EPS8L2: variants seen among roughly 807,000 people sequenced by gnomAD.
EPS8L2 encodes EPS8 signaling adaptor L2.
In EPS8L2, 81 loss-of-function variants were observed where a neutral mutation model predicts 99.4. The observed-to-expected ratio is 0.82, with a 90% CI of 0.68 to 0.98. The LOEUF (loss-of-function observed/expected upper bound fraction) is 0.98, where lower values mean the gene tolerates loss of function less well. EPS8L2 is among the 50% of genes least tolerant of loss of function. The pLI is 0.00. For missense variants in EPS8L2, 1,155 were observed against 968.8 expected (o/e 1.19, Z -2.55); for synonymous variants, 509 against 407.3 (o/e 1.25, Z -3.01).
intron 1 of EPS8L2, among the ~76,000 whole-genome samples, chr11:708,156 ACT>A (rs1564967888): frequency 6.6e-6 from 1 of 151,940 alleles, no homozygotes; most frequent in Non-Finnish European, 1.5e-5. Context: ...GCAGACCCAA[ACT>A]CTGAAGCCAC....
At position 713,782 on chromosome 11, in the gene EPS8L2, T is replaced by C. The variant is rs777376964; in HGVS notation, c.165+3296T>C. ...GCTGGTCTTGAACTCCTGACCTCAA[T>C]TGATCCACCCACCTCAGCCTCCCAA... On this transcript the variant is annotated intron_variant, in intron 4 of 20. Transcript: ENST00000318562. Among the ~76,000 whole-genome samples, 6 of 151,682 alleles carry C rather than the reference T, an allele frequency of 4.0e-5. No homozygotes were observed. In the East Asian group the frequency reaches 5.8e-4, roughly 15 times the overall value.
chr11:720,943 CGGGGAGGGGAGGA>C, intron 7 of EPS8L2, 34 bp downstream of exon 7: 1 of 502,470 alleles, frequency 2.0e-6, no homozygotes. Context: ...TCGCAGGGGG[CGGGGAGGGGAGGA>C]GCCCGGCAGG....
At chr11:709,894 A>T in intron 3 of EPS8L2, 1 of 523,020 alleles carries the variant, frequency 1.9e-6, no homozygotes, top group Admixed American at 3.3e-5. Flanking sequence ...AGGTTCAGGC[A>T]GGATAAGCCG....
At position 716,075 on chromosome 11, in the gene EPS8L2, C is replaced by T. The variant is rs184435188; in HGVS notation, c.166-3987C>T. Among the ~76,000 whole-genome samples the T allele has an allele frequency of 1.1e-3, 160 of 149,454 alleles. 4 individuals are homozygous for T. In the East Asian group the frequency reaches 0.029, roughly 27 times the overall value. On this transcript the variant is annotated intron_variant, in intron 4 of 20. Coordinates refer to ENST00000318562, the MANE Select transcript of EPS8L2 (RefSeq NM_022772.4). The stretch of plus-strand genomic sequence containing the variant: ...GCAACCTCCGCCTCCTGGGTTCAAG[C>T]GATTCTCCTGCCTCAGCCTCCCAAG...
intron 4 of EPS8L2, among the ~76,000 whole-genome samples, chr11:715,672 G>A (rs1274763069): frequency 1.4e-5 from 2 of 144,598 alleles, no homozygotes; most frequent in East Asian, 2.0e-4. Flanking sequence ...CCAGGCTGGA[G>A]TGCAGTGGCA....
chr11:723,401 A>T (rs753394971), intron 15 of EPS8L2, 48 bp downstream of exon 15: 1 of 837,526 alleles, frequency 1.2e-6, no homozygotes, highest in Admixed American at 2.8e-5. Flanking sequence ...ACCCTTCAGA[A>T]CCTACAGTCT....
At chr11:715,484 C>T (rs1413376436) in intron 4 of EPS8L2, among the ~76,000 whole-genome samples, 1 of 152,066 alleles carries the variant, frequency 6.6e-6, no homozygotes, top group Non-Finnish European at 1.5e-5. Flanking sequence ...AGTTTATTAA[C>T]CTTCTCATAA....
chr11:715,352 C>T (rs887584044), intron 4 of EPS8L2, among the ~76,000 whole-genome samples: 4 of 152,052 alleles, frequency 2.6e-5, no homozygotes, highest in Non-Finnish European at 4.4e-5. Flanking sequence ...GGGAAGGTTT[C>T]GGTTATTAAT....
chr11:714,873 A>G (rs1052121774), intron 4 of EPS8L2, among the ~76,000 whole-genome samples: 24 of 152,016 alleles, frequency 1.6e-4, no homozygotes, highest in Non-Finnish European at 2.8e-4. Context: ...TATAATGCCT[A>G]TGGCAGGTTG....
At chr11:709,788 C>T (rs562418756) in intron 3 of EPS8L2, 180 bp downstream of exon 3, 22 of 647,898 alleles carry the variant, frequency 3.4e-5, no homozygotes, top group Middle Eastern at 3.9e-4. Context: ...ACTGGATCCC[C>T]TCCCCCACAC....
chr11:725,632 C>T, intron 16 of EPS8L2, 96 bp from the exon 17 acceptor site: 1 of 1,200,190 alleles, frequency 8.3e-7, no homozygotes, highest in Non-Finnish European at 1.1e-6. Flanking sequence ...TCCGGGAGAC[C>T]CTAGGGCGCT....
chr11:714,323 G>A (rs936830414), intron 4 of EPS8L2, among the ~76,000 whole-genome samples: 1 of 151,046 alleles, frequency 6.6e-6, no homozygotes, highest in African/African-American at 2.4e-5. Flanking sequence ...TCCACCTCTT[G>A]GGTTCAAGCA....
Position 724,666 on chromosome 11 carries a change from C to A in EPS8L2, c.1455-58C>A. 1 of 1,251,374 alleles carries A rather than the reference C, an allele frequency of 8.0e-7. No individual in the cohort carries two copies. Among genetic ancestry groups the A allele is most frequent in the South Asian group, 1.2e-5 (1 of 83,530 alleles). 77.5% of individuals were successfully genotyped at this position (1,251,374 alleles called of 1,614,324 possible). A position where few individuals can be genotyped will look rare whatever the true frequency, so the allele number is the denominator to read the frequency against. ...GAAGCTGCTGCCCCCCAGCCACTGC[C>A]CAGGTCTCAGAGGAGACCCCCACCA... On this transcript the variant is annotated intron_variant, in intron 15 of 20. Coordinates refer to ENST00000318562, the MANE Select transcript of EPS8L2 (RefSeq NM_022772.4). This position sits in a 1 kb window ranked among gnomAD's most constrained non-coding sequence, Gnocchi z 5.5.
intron 9 of EPS8L2, 85 bp from the exon 10 acceptor site, chr11:721,480 T>C: frequency 6.7e-7 from 1 of 1,503,004 alleles, no homozygotes; most frequent in South Asian, 1.3e-5. Flanking sequence ...GCCCAGCTCC[T>C]CCCATCATCT....
At chr11:710,208 G>C in intron 3 of EPS8L2, 9 of 562,220 alleles carry the variant, frequency 1.6e-5, no homozygotes, top group South Asian at 1.4e-4. Flanking sequence ...CGCCTTCTCC[G>C]AGCTGCGTCC....
intron 14 of EPS8L2, 56 bp from the exon 15 acceptor site, chr11:723,185 G>A (rs1295966610): frequency 1.3e-5 from 12 of 890,160 alleles, no homozygotes; most frequent in East Asian, 2.5e-5. Context: ...ATGCCCCCTC[G>A]TCCTGGGACC....
At position 721,067 on chromosome 11, in the gene EPS8L2, A is replaced by G. The variant is rs1039884508; in HGVS notation, c.561A>G (p.Gly187=). The part of the protein sequence containing the change: ...GKKMRPQTLK[G]HQEKIRQRQS... ...GCAGGACCCCCTCGCCCTCCAGGGG[A>G]CACCAGGAGAAGATTCGGCAGCGGC... Residue 187 remains glycine (G), a synonymous_variant, in exon 8 of 21, where the codon GGA becomes GGG. Coordinates refer to ENST00000318562, the MANE Select transcript of EPS8L2 (RefSeq NM_022772.4). The G allele has an allele frequency of 1.2e-5, 17 of 1,472,162 alleles. No individual in the cohort carries two copies. In the Admixed American group the frequency reaches 1.3e-4, roughly 11 times the overall value. The allele number at this position is 1,472,162 out of a possible 1,614,324, so 91.2% of individuals were successfully genotyped here.
chr11:722,444 C>T lies in EPS8L2; in HGVS notation c.1103C>T (p.Ser368Phe). 2.5e-6 allele frequency: 4 copies of T among 1,613,524 alleles called. No individual in the cohort carries two copies. Among genetic ancestry groups the T allele is most frequent in the Non-Finnish European group, 3.4e-6 (4 of 1,179,938 alleles). The change falls in exon 13 of 21, where the codon TCC (serine) becomes TTC (phenylalanine). Residue 368 changes from serine (S) to phenylalanine (F), a missense_variant. Ser to Phe is a radical substitution (Grantham distance 155). Coordinates refer to ENST00000318562, the MANE Select transcript of EPS8L2 (RefSeq NM_022772.4). ...CSGPDIARSVSCPLLSRDAVD... is the reference protein window; with the variant it reads ...CSGPDIARSVFCPLLSRDAVD... The stretch of plus-strand genomic sequence containing the variant: ...GGCCCAGACATCGCACGCTCCGTCT[C>T]CTGCCCACTGCTCTCCCGAGATGCC...
intron 4 of EPS8L2, among the ~76,000 whole-genome samples, chr11:711,209 G>T (rs1465794078): frequency 6.6e-6 from 1 of 152,110 alleles, no homozygotes; most frequent in Admixed American, 6.5e-5. Context: ...TTGACACGGA[G>T]AACTCAGGAA....
Sources: allele counts gnomAD v4.1 joint callset (sites outside exome capture counted in the v4.1 genomes callset), GRCh38; gene constraint gnomAD v4.1.1; non-coding constraint Gnocchi (gnomAD v3.1); transcripts MANE v1.5; gene names NCBI Gene and HGNC (gene_info 2026-07-23, HGNC 2026-07-21).